Variants in PCDHA5 observed in about 807,000 individuals in gnomAD.
PCDHA5 encodes the protein protocadherin alpha 5.
PCDHA5 carries 43 observed loss-of-function variants against 61.6 expected under a neutral mutation model. The observed-to-expected ratio is 0.70, with a 90% CI of 0.55 to 0.90. The LOEUF is 0.90. PCDHA5 is among the 40% of genes least tolerant of loss of function. PCDHA5 has a pLI of 0.00. For missense variants in PCDHA5, 1,298 were observed against 1,222.7 expected, an observed-to-expected ratio of 1.06 and a Z score of -0.92; for synonymous variants, 627 against 543.9, an observed-to-expected ratio of 1.15 and a Z score of -2.13.
At position 140,984,181 on chromosome 5, in the gene PCDHA5, C is replaced by T. The variant is rs995252456; in HGVS notation, c.2500+1618C>T. Among the ~76,000 whole-genome samples, 5 of 152,210 alleles carry T rather than the reference C, an allele frequency of 3.3e-5. No individual in the cohort carries two copies. In the East Asian group the frequency reaches 9.6e-4, roughly 29 times the overall value. Reference sequence around the variant, plus strand: ...ACTTCCCAAAGAAGCCACGTGAAATCATGACTTTCTACCTTGCCTTTATTT... The same window carrying T: ...ACTTCCCAAAGAAGCCACGTGAAATTATGACTTTCTACCTTGCCTTTATTT... On this transcript the variant is annotated intron_variant, in intron 3 of 3. Coordinates refer to ENST00000529859, the MANE Select transcript of PCDHA5 (RefSeq NM_018908.3).
intron 1 of PCDHA5, among the ~76,000 whole-genome samples, chr5:140,952,230 A>C (rs1177331328): frequency 6.6e-6 from 1 of 151,960 alleles, no homozygotes; most frequent in African/African-American, 2.4e-5. Flanking sequence ...ACAGTGTGCA[A>C]GCTGCTTAGA....
At chr5:140,832,592 C>A (rs1300587314) in intron 1 of PCDHA5, among the ~76,000 whole-genome samples, 1 of 152,174 alleles carries the variant, frequency 6.6e-6, no homozygotes, top group Non-Finnish European at 1.5e-5. Context: ...AAGTAGAGAA[C>A]TATAGCGTTG....
intron 1 of PCDHA5, chr5:140,865,908 T>A (rs1023181309): frequency 2.6e-5 from 4 of 152,274 alleles, no homozygotes; most frequent in African/African-American, 9.6e-5. Flanking sequence ...GGCAAATCTT[T>A]CTTTCTGTTG....
rs2150155775 is a variant in PCDHA5, at chr5:140,828,477, A to T, written c.2352+4350A>T. The T allele has an allele frequency of 1.4e-5, 22 of 1,613,890 alleles. No homozygotes were observed. The South Asian group carries it at 2.4e-4, about 18-fold the overall frequency. ...GTGGAGGTGAGGGACATTAACGACAACCCGCCCTTGTTCCCGGTAGAGGAA... is the reference window on the plus strand; with the variant it reads ...GTGGAGGTGAGGGACATTAACGACATCCCGCCCTTGTTCCCGGTAGAGGAA... On this transcript the variant is annotated intron_variant, in intron 1 of 3. Coordinates refer to ENST00000529859, the MANE Select transcript of PCDHA5 (RefSeq NM_018908.3).
chr5:140,834,168 A>G, intron 1 of PCDHA5: 1 of 548,726 alleles, frequency 1.8e-6, no homozygotes, highest in Non-Finnish European at 3.2e-6. Flanking sequence ...ATTCTTACTT[A>G]CATGATGGCC....
In PCDHA5 at chr5:140,883,629, C is replaced by T. The variant is rs1467301210; in HGVS notation, c.2352+59502C>T. ...GCCGACGTGAACGACAACGCGCCGGCGTTCGCGCAGCCCGAGTACACGGTG... is the reference window on the plus strand; with the variant it reads ...GCCGACGTGAACGACAACGCGCCGGTGTTCGCGCAGCCCGAGTACACGGTG... On this transcript the variant is annotated intron_variant, in intron 1 of 3. Transcript: ENST00000529859. 6.2e-7 allele frequency: 1 copy of T among 1,613,868 alleles called. No individual in the cohort carries two copies. Among genetic ancestry groups the T allele is most frequent in the African/African-American group, 1.3e-5 (1 of 74,936 alleles).
At chr5:140,872,306 G>A (rs897321353) in intron 1 of PCDHA5, among the ~76,000 whole-genome samples, 4 of 151,928 alleles carry the variant, frequency 2.6e-5, no homozygotes, top group African/African-American at 9.7e-5. Context: ...CTTATATGCT[G>A]CTTTATGGAA....
rs2150129324 is a variant in PCDHA5 at position 140,823,812 on chromosome 5, G to T, written c.2037G>T (p.Ser679=). Residue 679 remains serine, a synonymous_variant, in exon 1 of 4, where the codon TCG becomes TCT. Coordinates refer to ENST00000529859, the MANE Select transcript of PCDHA5 (RefSeq NM_018908.3). ...GTGGCCAGGCGCCGAAGGCCTCATC[G>T]CGGGCGTCGGCGGGCGCTGTGGGTC... is the stretch of plus-strand genomic sequence containing the variant. ...VESGQAPKAS[S]RASAGAVGPE... 6.2e-7 allele frequency: 1 copy of T among 1,613,764 alleles called. No individual in the cohort carries two copies. Among genetic ancestry groups the T allele is most frequent in the Non-Finnish European group, 8.5e-7 (1 of 1,179,904 alleles).
At chr5:141,001,536 A>G (rs562513933) in intron 3 of PCDHA5, among the ~76,000 whole-genome samples, 153 of 152,240 alleles carry the variant, frequency 1.0e-3, no homozygotes, top group African/African-American at 3.5e-3. Context: ...CTGATCCTGG[A>G]CAGGATTTGG....
chr5:140,958,116 T>G (rs2095410051), intron 1 of PCDHA5, among the ~76,000 whole-genome samples: 1 of 152,060 alleles, frequency 6.6e-6, no homozygotes, highest in African/African-American at 2.4e-5. Context: ...TGGTTCCATT[T>G]TGTAAAATGT....
At chr5:140,883,471 C>G (rs781812025) in intron 1 of PCDHA5, 4 of 1,614,182 alleles carry the variant, frequency 2.5e-6, no homozygotes, top group Non-Finnish European at 3.4e-6. Flanking sequence ...TGTCCACCTA[C>G]AAGAACTACT....
intron 1 of PCDHA5, chr5:140,867,128 A>G (rs1328487179): frequency 2.0e-5 from 3 of 152,164 alleles, no homozygotes; most frequent in African/African-American, 4.8e-5. Flanking sequence ...TAATTCAAAT[A>G]TGTGATATTA....
chr5:140,869,407 T>G, intron 1 of PCDHA5: 4 of 1,614,120 alleles, frequency 2.5e-6, no homozygotes, highest in African/African-American at 1.3e-5. Context: ...GAGCGCGGAG[T>G]GCAGCATCCA....
chr5:140,836,101 C>T, intron 1 of PCDHA5: 17 of 1,613,712 alleles, frequency 1.1e-5, no homozygotes, highest in Non-Finnish European at 1.4e-5. Context: ...GTGGGTGGCA[C>T]TGGTGGCGCA....
At chr5:140,853,237 A>G (rs2042681652) in intron 1 of PCDHA5, 3 of 980,666 alleles carry the variant, frequency 3.1e-6, no homozygotes, top group African/African-American at 1.8e-5. Flanking sequence ...TTAGTCCTTC[A>G]TATTAATCTC....
In PCDHA5 at chr5:140,823,428, G is replaced by A. The variant is rs1428807001; in HGVS notation, c.1653G>A (p.Gln551=). 1.2e-6 allele frequency: 2 copies of A among 1,613,204 alleles called. No individual in the cohort carries two copies. The highest frequency in any genetic ancestry group is 2.2e-5 in the East Asian group (1 of 44,864). Residue 551 remains glutamine (Q), a synonymous_variant, in exon 1 of 4, where the codon CAG becomes CAA. Transcript: ENST00000529859. ...VPPLGSNVTL[Q]VFVLDENDNA... ...CTCTGGGCAGCAACGTGACGCTGCA[G>A]GTGTTCGTGCTGGACGAGAACGACA...
chr5:140,841,305 G>A (rs2150313122), intron 1 of PCDHA5: 2 of 1,543,548 alleles, frequency 1.3e-6, no homozygotes, highest in Non-Finnish European at 1.8e-6. Context: ...TTTTCTGATA[G>A]GAAACGACTA....
intron 1 of PCDHA5, chr5:140,861,826 A>T (rs1350185354): frequency 1.9e-5 from 3 of 159,376 alleles, no homozygotes; most frequent in African/African-American, 7.2e-5. Flanking sequence ...CAGATAGGTA[A>T]GTCACTTCAG....
chr5:140,869,191 C>CA (rs1554162609), intron 1 of PCDHA5: 1 of 1,613,878 alleles, frequency 6.2e-7, no homozygotes, highest in East Asian at 2.2e-5. Flanking sequence ...GGGGAGCGGC[C>CA]AGCTCCACTA....
Sources: allele counts gnomAD v4.1 joint callset (sites outside exome capture counted in the v4.1 genomes callset), GRCh38; gene constraint gnomAD v4.1.1; transcripts MANE v1.5; gene names NCBI Gene and HGNC (gene_info 2026-07-23, HGNC 2026-07-21).